The following POLD1 variants were observed in gnomAD, a reference collection of about 807,000 sequenced individuals.
POLD1 encodes the protein DNA polymerase delta catalytic subunit.
Under a neutral mutation model 129.7 loss-of-function variants are expected in POLD1, and 79 were observed. That is an observed-to-expected ratio of 0.61 (90% confidence interval 0.51 to 0.73). POLD1 has a LOEUF of 0.73. Ranked by LOEUF, POLD1 falls within the 30% of genes least tolerant of loss-of-function variation. POLD1 has a pLI of 0.00. For synonymous variants in POLD1, 714 were observed against 683.3 expected (o/e 1.04, Z -0.70); for missense variants, 1,338 against 1,595.8 (o/e 0.84, Z 2.75).
At chr19:50,417,750 G>T (rs896620318) in intron 26 of POLD1, 92 bp from the exon 27 acceptor site, 1 of 759,386 alleles carries the variant, frequency 1.3e-6, no homozygotes, top group Non-Finnish European at 2.3e-6. Context: ...CAGCAGGCGG[G>T]GACCAAAGTC....
intron 17 of POLD1, among the ~76,000 whole-genome samples, chr19:50,412,463 TAA>T (rs985353537): frequency 7.5e-6 from 1 of 133,214 alleles, no homozygotes; most frequent in Non-Finnish European, 1.6e-5. Flanking sequence ...TCCTGTCTCT[TAA>T]AAAAAAAAAA....
rs761732508 is a variant in POLD1 at position 50,403,719 on chromosome 19, G to A, written c.1242+122G>A. 3.0e-5 allele frequency: 22 copies of A among 722,622 alleles called. 1 individual carries two copies. The South Asian group carries it at 3.2e-4, about 11-fold the overall frequency. 44.8% of individuals were successfully genotyped at this position (722,622 alleles called of 1,614,324 possible). A position where few individuals can be genotyped will look rare whatever the true frequency, so the allele number is the denominator to read the frequency against. On this transcript the variant is annotated intron_variant, in intron 10 of 26. Coordinates refer to ENST00000440232, the MANE Select transcript of POLD1 (RefSeq NM_002691.4). ...GCATCTTGCTCTGTGTGCCTCAGCC[G>A]ATTGCCTGCAGGGGCAGCCTAGGCC...
Position 50,399,385 on chromosome 19 carries a change from TCAG to T in POLD1, c.219_221del (p.Ala74del). 6.2e-7 allele frequency: 1 copy of T among 1,613,658 alleles called. No individual in the cohort carries two copies. Among genetic ancestry groups the T allele is most frequent in the Non-Finnish European group, 8.5e-7 (1 of 1,179,534 alleles). On this transcript the variant is annotated inframe_deletion, in exon 3 of 27. Transcript: ENST00000440232. ...TCCCCCACCAGGGCAGGTCCCACCA[TCAG>T]CCATAGATCCTCGCTGGCTTCGGCC... is the stretch of plus-strand genomic sequence containing the variant.
intron 22 of POLD1, chr19:50,416,083 G>C: frequency 1.8e-6 from 1 of 568,854 alleles, no homozygotes; most frequent in Non-Finnish European, 3.1e-6. Flanking sequence ...GGGTTCCCTT[G>C]GATTCATAAT....
intron 3 of POLD1, among the ~76,000 whole-genome samples, chr19:50,400,378 G>A (rs921669712): frequency 2.0e-5 from 3 of 148,184 alleles, no homozygotes; most frequent in East Asian, 2.1e-4. Context: ...CCGCCATCAC[G>A]CCCGGCTAAT....
At chr19:50,407,631 T>G (rs1399419539) in intron 14 of POLD1, among the ~76,000 whole-genome samples, 1 of 150,998 alleles carries the variant, frequency 6.6e-6, no homozygotes, top group Non-Finnish European at 1.5e-5. Context: ...CAATCTCAGC[T>G]CACTGCAAGC....
chr19:50,412,306 C>T lies in POLD1; in HGVS notation c.2155-1120C>T, dbSNP rs1466360059. On this transcript the variant is annotated intron_variant, in intron 17 of 26. Transcript: ENST00000440232. ...TAGCTGGGATTACAGGCACCCGCCA[C>T]CATGCCTGGCTAATTTTTGCATTTT... Among the ~76,000 whole-genome samples the T allele has an allele frequency of 2.0e-5, 3 of 152,112 alleles. No individual in the cohort carries two copies. The East Asian group carries it at 5.8e-4, about 29-fold the overall frequency.
chr19:50,412,005 A>G (rs1224686414), intron 17 of POLD1, among the ~76,000 whole-genome samples: 2 of 152,134 alleles, frequency 1.3e-5, no homozygotes, highest in Admixed American at 1.3e-4. Flanking sequence ...CTAGCCAGGC[A>G]TTGTGGTAGC....
chr19:50,402,591 C>T, intron 7 of POLD1, 21 bp from the exon 8 acceptor site: 4 of 1,570,684 alleles, frequency 2.5e-6, no homozygotes, highest in Non-Finnish European at 3.5e-6. Context: ...GCTGCCACCG[C>T]TGACCCACCC....
At chr19:50,403,338 G>C in intron 9 of POLD1, 119 bp downstream of exon 9, 1 of 1,153,444 alleles carries the variant, frequency 8.7e-7, no homozygotes, top group Non-Finnish European at 1.2e-6. Context: ...GGGTGTCTGT[G>C]GGTCTGGGTG....
At chr19:50,389,601 T>TC (rs2038083405) in intron 1 of POLD1, among the ~76,000 whole-genome samples, 6 of 151,050 alleles carry the variant, frequency 4.0e-5, no homozygotes, top group African/African-American at 1.2e-4. Flanking sequence ...TTTTTTTTTT[T>TC]TCCAAGACTG....
intron 26 of POLD1, 116 bp from the exon 27 acceptor site, chr19:50,417,726 G>C: frequency 1.6e-6 from 1 of 630,892 alleles, no homozygotes; most frequent in Non-Finnish European, 2.9e-6. Flanking sequence ...GCGGGAGGGG[G>C]CGGGTGGGCT....
At chr19:50,395,452 C>T (rs1027465897) in intron 1 of POLD1, among the ~76,000 whole-genome samples, 1 of 152,028 alleles carries the variant, frequency 6.6e-6, no homozygotes, top group South Asian at 2.1e-4. Flanking sequence ...GGCGCAGTGG[C>T]GGACGCCTGT....
chr19:50,401,470 G>A (rs1409518729), intron 3 of POLD1, among the ~76,000 whole-genome samples: 1 of 142,514 alleles, frequency 7.0e-6, no homozygotes, highest in Non-Finnish European at 1.5e-5. Context: ...CAAAGTCCTG[G>A]GCTCTAGCGA....
At chr19:50,410,099 A>C (rs1257892059) in intron 17 of POLD1, among the ~76,000 whole-genome samples, 3 of 152,186 alleles carry the variant, frequency 2.0e-5, no homozygotes, top group Non-Finnish European at 4.4e-5. Context: ...ACAGAGGCCA[A>C]GGGACGTGGG....
At chr19:50,394,397 A>G (rs1301728598) in intron 1 of POLD1, among the ~76,000 whole-genome samples, 2 of 152,156 alleles carry the variant, frequency 1.3e-5, no homozygotes, top group Non-Finnish European at 2.9e-5. Flanking sequence ...CACACCCATA[A>G]TCCCAGCACT....
In POLD1 at chr19:50,408,768, G is replaced by A. The variant is rs1469052163; in HGVS notation, c.1776-17G>A. The A allele has an allele frequency of 9.3e-6, 15 of 1,613,278 alleles. No individual in the cohort carries two copies. Among genetic ancestry groups the A allele is most frequent in the African/African-American group, 1.3e-5 (1 of 75,002 alleles). On this transcript the variant is annotated splice_polypyrimidine_tract_variant and intron_variant, in intron 14 of 26. Coordinates refer to ENST00000440232, the MANE Select transcript of POLD1 (RefSeq NM_002691.4). ...ACTCCTAGCCCTGACTCCCGGCCGC[G>A]GCTGCTCCCCTCCCAGGTACTACGA...
In POLD1 at chr19:50,409,689, G is replaced by A. The variant is rs2122390968; in HGVS notation, c.2154+23G>A. The A allele has an allele frequency of 3.8e-6, 6 of 1,578,836 alleles. No homozygotes were observed. Among genetic ancestry groups the A allele is most frequent in the Non-Finnish European group, 5.2e-6 (6 of 1,159,722 alleles). On this transcript the variant is annotated intron_variant, in intron 17 of 26. Transcript: ENST00000440232. This position sits in a 1 kb window ranked among gnomAD's most constrained non-coding sequence, Gnocchi z 5.8. Reference sequence around the variant, plus strand: ...CAGGTGGGCACTCGGGCCCCTGGAAGGCAACTGGGGGCAGGTGGGCCCCCT... The same window carrying A: ...CAGGTGGGCACTCGGGCCCCTGGAAAGCAACTGGGGGCAGGTGGGCCCCCT...
intron 14 of POLD1, among the ~76,000 whole-genome samples, chr19:50,407,785 C>T (rs1419603733): frequency 2.8e-5 from 4 of 144,788 alleles, no homozygotes; most frequent in Non-Finnish European, 6.0e-5. Flanking sequence ...CCGTGTTAGC[C>T]AGGATGGTCT....
Sources: gnomAD v4.1 joint callset for allele counts (sites outside exome capture counted in the v4.1 genomes callset) on GRCh38, gnomAD v4.1.1 for gene constraint, Gnocchi (gnomAD v3.1) non-coding constraint, MANE v1.5 for transcripts, NCBI Gene and HGNC (gene_info 2026-07-23, HGNC 2026-07-21) for gene names.